DCC: variants seen among roughly 807,000 people sequenced by gnomAD.
DCC encodes DCC netrin 1 receptor.
Under a neutral mutation model 172.5 loss-of-function variants are expected in DCC, and 58 were observed. That is an observed-to-expected ratio of 0.34 (90% CI 0.27 to 0.42). DCC has a LOEUF of 0.42. Ranked by LOEUF, DCC falls within the 10% of genes least tolerant of loss-of-function variation. The pLI is 1.00. For missense variants in DCC, 1,740 were observed against 1,791.0 expected, an observed-to-expected ratio of 0.97 and a Z score of 0.51; for synonymous variants, 709 against 644.5, an observed-to-expected ratio of 1.10 and a Z score of -1.52.
chr18:53,513,166 T>TAAAGA, intron 27 of DCC, among the ~76,000 whole-genome samples: 1 of 152,060 alleles, frequency 6.6e-6, no homozygotes, highest in South Asian at 2.1e-4. Flanking sequence ...TCAACATTCT[T>TAAAGA]AAAGAAAAGA....
chr18:53,173,135 T>G (rs2144451489), intron 8 of DCC, among the ~76,000 whole-genome samples: 1 of 152,272 alleles, frequency 6.6e-6, no homozygotes, highest in African/African-American at 2.4e-5. Flanking sequence ...AAAAGCAATT[T>G]GCTGACCTAA....
At chr18:53,079,480 C>T (rs552583446) in intron 7 of DCC, among the ~76,000 whole-genome samples, 1 of 152,128 alleles carries the variant, frequency 6.6e-6, no homozygotes, top group Non-Finnish European at 1.5e-5. Context: ...ACTAAAACCT[C>T]ATACTAATGA....
chr18:53,063,382 T>C lies in DCC; in HGVS notation c.1063T>C (p.Ser355Pro). 1.2e-6 allele frequency: 2 copies of C among 1,613,152 alleles called. No individual in the cohort carries two copies. Among genetic ancestry groups the C allele is most frequent in the Non-Finnish European group, 1.7e-6 (2 of 1,179,220 alleles). Residue 355 changes from serine to proline, a missense_variant, in exon 6 of 29, where the codon TCT becomes CCT. Coordinates refer to ENST00000442544, the MANE Select transcript of DCC (RefSeq NM_005215.4). ...GGATATTGAGTTTGAATGTACAGTC[T>C]CTGGAAAGCCTGTGCCCACTGTGAA... is the stretch of plus-strand genomic sequence containing the variant. ...SMDIEFECTV[S>P]GKPVPTVNWM...
chr18:52,950,141 T>C (rs1182476971), intron 5 of DCC, among the ~76,000 whole-genome samples: 1 of 152,196 alleles, frequency 6.6e-6, no homozygotes, highest in African/African-American at 2.4e-5. Flanking sequence ...ACGTGCTCTT[T>C]TTATACTTCT....
At chr18:52,767,031 CAT>C (rs1204098011) in intron 2 of DCC, among the ~76,000 whole-genome samples, 4 of 151,812 alleles carry the variant, frequency 2.6e-5, no homozygotes, top group Non-Finnish European at 5.9e-5. Flanking sequence ...TGTGGGGACA[CAT>C]ATCCTGTGTC....
intron 1 of DCC, among the ~76,000 whole-genome samples, chr18:52,493,378 C>T (rs1450406413): frequency 6.6e-6 from 1 of 151,832 alleles, no homozygotes; most frequent in Non-Finnish European, 1.5e-5. Flanking sequence ...CCACAAAATA[C>T]AAGAAAAATT....
At chr18:53,447,363 T>A (rs1434742402) in intron 22 of DCC, among the ~76,000 whole-genome samples, 1 of 152,186 alleles carries the variant, frequency 6.6e-6, no homozygotes, top group Non-Finnish European at 1.5e-5. Flanking sequence ...AATTTTAAAC[T>A]GGTGGGAACT....
At chr18:53,230,848 T>C (rs2056110458) in intron 12 of DCC, among the ~76,000 whole-genome samples, 1 of 152,070 alleles carries the variant, frequency 6.6e-6, no homozygotes, top group African/African-American at 2.4e-5. Context: ...CTATAGTTGA[T>C]AGTAAATTCA....
At chr18:52,874,964 G>A (rs1238524711) in intron 2 of DCC, among the ~76,000 whole-genome samples, 1 of 152,106 alleles carries the variant, frequency 6.6e-6, no homozygotes, top group African/African-American at 2.4e-5. Flanking sequence ...TGGACTTTGG[G>A]CTGTGGGGCG....
At position 53,428,522 on chromosome 18, in the gene DCC, T is replaced by G. The variant is rs1167610465; in HGVS notation, c.3164-6622T>G. On this transcript the variant is annotated intron_variant, in intron 21 of 28. Transcript: ENST00000442544. ...TATATTGTATATTTTATATATTTTA[T>G]ATATTTATGTATTTTATATATATAT... Among the ~76,000 whole-genome samples the G allele has an allele frequency of 3.2e-5, 2 of 63,030 alleles. 1 individual carries two copies. Among genetic ancestry groups the G allele is most frequent in the Non-Finnish European group, 6.0e-5 (2 of 33,302 alleles). The allele number at this position is 63,030 out of a possible 152,430, so 41.4% of individuals were successfully genotyped here.
intron 1 of DCC, among the ~76,000 whole-genome samples, chr18:52,621,127 T>G (rs1268557530): frequency 6.6e-6 from 1 of 152,216 alleles, no homozygotes; most frequent in Non-Finnish European, 1.5e-5. Context: ...ATCCATTGTC[T>G]CACAGTGTCA....
intron 12 of DCC, among the ~76,000 whole-genome samples, chr18:53,223,573 G>A (rs369512392): frequency 2.0e-5 from 3 of 152,068 alleles, no homozygotes; most frequent in African/African-American, 7.2e-5. Flanking sequence ...TAAGGTCTCT[G>A]ATTTTAATTT....
intron 1 of DCC, among the ~76,000 whole-genome samples, chr18:52,592,758 C>T (rs373005873): frequency 9.9e-5 from 15 of 152,142 alleles, no homozygotes; most frequent in African/African-American, 1.4e-4. Flanking sequence ...CTCAGACTCC[C>T]GAATAGCTGG....
chr18:52,685,929 T>G (rs1279086382), intron 1 of DCC, among the ~76,000 whole-genome samples: 1 of 151,966 alleles, frequency 6.6e-6, no homozygotes, highest in Non-Finnish European at 1.5e-5. Flanking sequence ...TATATGGGAG[T>G]AAACAAAATC....
chr18:53,000,439 G>A (rs528522946), intron 5 of DCC, among the ~76,000 whole-genome samples: 2 of 151,972 alleles, frequency 1.3e-5, no homozygotes, highest in Admixed American at 6.6e-5. Context: ...GCAATTATAC[G>A]TAAAACTTGG....
At chr18:53,382,483 A>C (rs540078643) in intron 15 of DCC, among the ~76,000 whole-genome samples, 2 of 152,202 alleles carry the variant, frequency 1.3e-5, no homozygotes, top group South Asian at 4.1e-4. Flanking sequence ...CATATATTCC[A>C]AAAGTCTTCT....
chr18:53,314,817 C>T (rs1378975172), intron 13 of DCC, among the ~76,000 whole-genome samples: 1 of 152,234 alleles, frequency 6.6e-6, no homozygotes, highest in East Asian at 1.9e-4. Context: ...GCTAAAACTT[C>T]CCTGCAGATG....
chr18:52,554,535 G>C (rs1195506979), intron 1 of DCC, among the ~76,000 whole-genome samples: 1 of 152,058 alleles, frequency 6.6e-6, no homozygotes, highest in South Asian at 2.1e-4. Context: ...ATCAGAAAAA[G>C]GCCTGTATTA....
In DCC at chr18:52,879,761, G is replaced by A. The variant is rs117443206; in HGVS notation, c.413-26283G>A. 1.5e-3 allele frequency among the ~76,000 whole-genome samples: 228 copies of A among 152,068 alleles called. 3 individuals carry two copies. Among genetic ancestry groups the A allele is most frequent in the East Asian group, 0.013 (68 of 5,144 alleles). ...TTTGGTCTTTGTCAGGACTACTGTC[G>A]CAGCTCAAGAGCAGCCATAGACAAT... On this transcript the variant is annotated intron_variant, in intron 2 of 28. Coordinates refer to ENST00000442544, the MANE Select transcript of DCC (RefSeq NM_005215.4).
Sources: gnomAD v4.1 joint callset for allele counts (sites outside exome capture counted in the v4.1 genomes callset) on GRCh38, gnomAD v4.1.1 for gene constraint, MANE v1.5 for transcripts, NCBI Gene and HGNC (gene_info 2026-07-23, HGNC 2026-07-21) for gene names.